The following PCSK5 variants were observed in gnomAD, a reference collection of about 807,000 sequenced individuals.
PCSK5 encodes the protein proprotein convertase subtilisin/kexin type 5.
A neutral mutation model predicts 233.2 loss-of-function variants in PCSK5; 129 were observed. The observed-to-expected ratio is 0.55, with a 90% CI of 0.48 to 0.64. The LOEUF (loss-of-function observed/expected upper bound fraction) is 0.64, where lower values mean the gene tolerates loss of function less well. Ranked by LOEUF, PCSK5 falls within the 30% of genes least tolerant of loss-of-function variation. The pLI, the probability that PCSK5 is intolerant of heterozygous loss-of-function variation, is 0.00. For missense variants in PCSK5, 2,076 were observed against 2,430.1 expected, an observed-to-expected ratio of 0.85 and a Z score of 3.06; for synonymous variants, 825 against 879.2, an observed-to-expected ratio of 0.94 and a Z score of 1.09.
chr9:76,107,425 A>G, intron 9 of PCSK5, 74 bp downstream of exon 9: 2 of 828,636 alleles, frequency 2.4e-6, no homozygotes, highest in South Asian at 1.7e-5. Flanking sequence ...CTTCCCTTGT[A>G]TAGGACCCCT....
intron 20 of PCSK5, among the ~76,000 whole-genome samples, chr9:76,213,504 C>G (rs927695462): frequency 3.3e-5 from 5 of 152,092 alleles, no homozygotes; most frequent in African/African-American, 1.2e-4. Context: ...CCACTCTGTC[C>G]TCACCATTTT....
chr9:76,351,663 GAA>G (rs1382296087), intron 36 of PCSK5, among the ~76,000 whole-genome samples: 1 of 144,050 alleles, frequency 6.9e-6, no homozygotes, highest in African/African-American at 2.5e-5. Flanking sequence ...GAGAGAGAAA[GAA>G]AGAAAGAAAG....
At chr9:76,107,206 C>A (rs752554033) in intron 8 of PCSK5, 45 bp from the exon 9 acceptor site, 1 of 1,216,250 alleles carries the variant, frequency 8.2e-7, no homozygotes, top group South Asian at 1.3e-5. Flanking sequence ...TTGCAGGTGA[C>A]TCACATTGGC....
intron 7 of PCSK5, among the ~76,000 whole-genome samples, chr9:76,083,744 G>A (rs1830948001): frequency 6.6e-6 from 1 of 152,206 alleles, no homozygotes; most frequent in African/African-American, 2.4e-5. Flanking sequence ...AAGATTGCTT[G>A]TACATACACA....
chr9:76,240,842 A>C (rs1826408407), intron 24 of PCSK5, among the ~76,000 whole-genome samples, 158 bp downstream of exon 24: 1 of 152,218 alleles, frequency 6.6e-6, no homozygotes, highest in South Asian at 2.1e-4. Flanking sequence ...TACAAACAGG[A>C]TCACTGTGAG....
intron 10 of PCSK5, among the ~76,000 whole-genome samples, chr9:76,150,753 A>AT (rs1823638818): frequency 6.6e-6 from 1 of 152,214 alleles, no homozygotes; most frequent in Non-Finnish European, 1.5e-5. Flanking sequence ...CATTGCAACT[A>AT]TAGTTCTGAA....
chr9:76,348,367 C>T (rs768685987), intron 35 of PCSK5, among the ~76,000 whole-genome samples: 8 of 152,148 alleles, frequency 5.3e-5, no homozygotes, highest in African/African-American at 1.2e-4. Flanking sequence ...GCTGAGATTG[C>T]GCCACTGCAC....
At chr9:76,284,523 T>TG (rs1393842819) in intron 24 of PCSK5, among the ~76,000 whole-genome samples, 1 of 144,394 alleles carries the variant, frequency 6.9e-6, no homozygotes, top group Admixed American at 7.1e-5. Flanking sequence ...AAACCCTTTT[T>TG]TTTTTTTTTG....
At chr9:75,901,171 C>T (rs1215853875) in intron 1 of PCSK5, among the ~76,000 whole-genome samples, 5 of 152,086 alleles carry the variant, frequency 3.3e-5, no homozygotes, top group African/African-American at 4.8e-5. Context: ...CACATGAACA[C>T]GTATGTTTAT....
intron 3 of PCSK5, among the ~76,000 whole-genome samples, chr9:76,008,427 G>A (rs1410052896): frequency 6.6e-6 from 1 of 151,466 alleles, no homozygotes. Context: ...CCTATTCTGG[G>A]TAGGAAGCAA....
chr9:76,091,278 G>A (rs1831275970), intron 7 of PCSK5, among the ~76,000 whole-genome samples: 1 of 151,956 alleles, frequency 6.6e-6, no homozygotes, highest in Non-Finnish European at 1.5e-5. Context: ...TTCTGGCTGG[G>A]TCTTTACATA....
At position 76,308,710 on chromosome 9, in the gene PCSK5, T is replaced by G. The variant is rs1357039996; in HGVS notation, c.3670T>G (p.Cys1224Gly). ...AACCTGCAATGGATCTGCAACTCTG[T>G]GCACTTCATGTCCCAAAGGTTAGTG... The part of the protein sequence containing the change: ...CKTCNGSATL[C>G]TSCPKGAYLL... The change falls in exon 29 of 38, where the codon TGC becomes GGC. Residue 1224 changes from cysteine (C) to glycine (G), a missense_variant. This residue lies in a region of PCSK5 where 1,510 missense variants were observed against 1,538.1 expected (regional missense o/e 0.98). Transcript: ENST00000674117. The G allele has an allele frequency of 6.2e-7, 1 of 1,608,768 alleles. No individual in the cohort carries two copies. Among genetic ancestry groups the G allele is most frequent in the Non-Finnish European group, 8.5e-7 (1 of 1,176,236 alleles).
intron 9 of PCSK5, among the ~76,000 whole-genome samples, chr9:76,121,686 T>A (rs962344051): frequency 6.6e-6 from 1 of 152,184 alleles, no homozygotes; most frequent in Admixed American, 6.5e-5. Flanking sequence ...AATTTTGCAA[T>A]TTGTATTTTC....
chr9:76,018,189 C>G (rs1587504148), intron 3 of PCSK5, among the ~76,000 whole-genome samples: 1 of 151,334 alleles, frequency 6.6e-6, no homozygotes, highest in South Asian at 2.1e-4. Context: ...CTGGATCCAC[C>G]TTCTGTAAGT....
chr9:76,023,917 T>C, intron 4 of PCSK5, 36 bp downstream of exon 4: 2 of 1,556,310 alleles, frequency 1.3e-6, no homozygotes, highest in Non-Finnish European at 1.7e-6. Flanking sequence ...TCTTTCCTTC[T>C]GGGAAACAGA....
chr9:76,005,630 A>G (rs560754508), intron 3 of PCSK5, among the ~76,000 whole-genome samples: 2 of 152,186 alleles, frequency 1.3e-5, no homozygotes, highest in South Asian at 4.1e-4. Context: ...AAATAACTCC[A>G]AACTGAATGA....
At chr9:76,293,159 C>T (rs1014524823) in intron 25 of PCSK5, among the ~76,000 whole-genome samples, 10 of 137,378 alleles carry the variant, frequency 7.3e-5, no homozygotes, top group Admixed American at 4.2e-4. Context: ...TTGCCTTTTC[C>T]CTCCATCCAT....
intron 1 of PCSK5, among the ~76,000 whole-genome samples, chr9:75,898,046 CT>C (rs1227341470): frequency 2.0e-5 from 3 of 152,156 alleles, no homozygotes; most frequent in Non-Finnish European, 2.9e-5. Context: ...CAGCTGAACA[CT>C]TTTTGTAATC....
chr9:76,295,705 T>C (rs1828416566), intron 26 of PCSK5, among the ~76,000 whole-genome samples: 2 of 152,212 alleles, frequency 1.3e-5, no homozygotes, highest in African/African-American at 4.8e-5. Flanking sequence ...GATGAATGTT[T>C]TGGCATTGAA....
Sources: gnomAD v4.1 joint callset for allele counts (sites outside exome capture counted in the v4.1 genomes callset) on GRCh38, gnomAD v4.1.1 for gene constraint, gnomAD v4.1.1 regional missense constraint, MANE v1.5 for transcripts, NCBI Gene and HGNC (gene_info 2026-07-23, HGNC 2026-07-21) for gene names.